UPF1: variants seen among roughly 807,000 people sequenced by gnomAD.
UPF1 encodes UPF1 RNA helicase and ATPase, also known as regulator of nonsense transcripts 1.
A neutral mutation model predicts 129.2 loss-of-function variants in UPF1; 9 were observed. That is an observed-to-expected ratio of 0.07 (90% CI 0.04 to 0.12). The LOEUF (loss-of-function observed/expected upper bound fraction) is 0.12. UPF1 is among the 10% of genes least tolerant of loss of function. The probability of loss-of-function intolerance (pLI) is 1.00; values close to 1 mark genes in which losing one functional copy is unlikely to be tolerated. For synonymous variants in UPF1, 649 were observed against 644.9 expected (o/e 1.01, Z -0.10); for missense variants, 788 against 1,525.3 (o/e 0.52, Z 8.05).
At position 18,832,202 on chromosome 19, in the gene UPF1, G is replaced by A; in HGVS notation, c.-8G>A. ...GGAACCGGCCCGAGGGCCCTACCCGGAGGCACCATGAGCGTGGAGGCGTAC... is the reference window on the plus strand; with the variant it reads ...GGAACCGGCCCGAGGGCCCTACCCGAAGGCACCATGAGCGTGGAGGCGTAC... On this transcript the variant is annotated 5_prime_UTR_variant, in exon 1 of 24. Transcript: ENST00000262803. The surrounding 1 kb of genome is among the most constrained non-coding windows in gnomAD (Gnocchi z 5.6). 1 of 1,535,968 alleles carries A rather than the reference G, an allele frequency of 6.5e-7. No individual in the cohort carries two copies. The highest frequency in any genetic ancestry group is 1.4e-5 in the African/African-American group (1 of 69,660).
rs760438143 is a variant in UPF1 at position 18,863,424 on chromosome 19, C to T, written c.2601-14C>T. 37 of 1,609,998 alleles carry T rather than the reference C, an allele frequency of 2.3e-5. No homozygotes were observed. Among genetic ancestry groups the T allele is most frequent in the Middle Eastern group, 1.7e-4 (1 of 6,060 alleles). ...CTCTCCACCTGCGTCCTCAGCACTG[C>T]GCCCTTGTTGCAGGTATGGCGTCAT... On this transcript the variant is annotated splice_polypyrimidine_tract_variant and intron_variant, in intron 18 of 23. Transcript: ENST00000262803.
At position 18,832,349 on chromosome 19, in the gene UPF1, C is replaced by CCCCCGGCGG. The variant is rs764238330; in HGVS notation, c.153_161dup (p.Pro54_Gly56dup). On this transcript the variant is annotated inframe_insertion, in exon 1 of 24. Coordinates refer to ENST00000262803, the MANE Select transcript of UPF1 (RefSeq NM_002911.4). The surrounding 1 kb of genome is among the most constrained non-coding windows in gnomAD (Gnocchi z 5.6). ...ACTCTTCCTAGCCAGACGCAGACGC[C>CCCCCGGCGG]CCCCGGCGGCCCCGGCGGCCCGGGC... 352 of 1,365,656 alleles carry CCCCCGGCGG rather than the reference C, an allele frequency of 2.6e-4. No homozygotes were observed. The highest frequency in any genetic ancestry group is 3.2e-4 in the Non-Finnish European group (330 of 1,037,128). The allele number at this position is 1,365,656 out of a possible 1,614,324, so 84.6% of individuals were successfully genotyped here. A position where few individuals can be genotyped will look rare whatever the true frequency, so the allele number is the denominator to read the frequency against.
chr19:18,862,401 G>C (rs1355953353), intron 18 of UPF1, among the ~76,000 whole-genome samples: 2 of 152,148 alleles, frequency 1.3e-5, no homozygotes, highest in Admixed American at 6.5e-5. Context: ...AATCTTGTGT[G>C]TGTCTGTCAA....
At position 18,850,340 on chromosome 19, in the gene UPF1, C is replaced by T; in HGVS notation, c.629+98C>T. 6.9e-7 allele frequency: 1 copy of T among 1,459,738 alleles called. No individual in the cohort carries two copies. Among genetic ancestry groups the T allele is most frequent in the South Asian group, 1.4e-5 (1 of 72,100 alleles). The allele number at this position is 1,459,738 out of a possible 1,614,324, so 90.4% of individuals were successfully genotyped here. A position where few individuals can be genotyped will look rare whatever the true frequency, so the allele number is the denominator to read the frequency against. On this transcript the variant is annotated intron_variant, in intron 4 of 23. Transcript: ENST00000262803. The surrounding 1 kb of genome is among the most constrained non-coding windows in gnomAD (Gnocchi z 7.1). ...CCCAGCCCAGCCGTGGCTCTAACTC[C>T]AGGGAGTTGTCCTCCAAAGATGGTT...
rs201189306 is a variant in UPF1, at chr19:18,852,326, G to C, written c.972+30G>C. Reference sequence around the variant, plus strand: ...TGTGTGCGAGAGGGCTTGGCCTGGGGTGGGCTCTGGCTCTCACAGCTCTCT... The same window carrying C: ...TGTGTGCGAGAGGGCTTGGCCTGGGCTGGGCTCTGGCTCTCACAGCTCTCT... On this transcript the variant is annotated intron_variant, in intron 6 of 23. Transcript: ENST00000262803. 27 of 1,609,224 alleles carry C rather than the reference G, an allele frequency of 1.7e-5. No homozygotes were observed. The African/African-American group carries it at 2.9e-4, about 18-fold the overall frequency.
intron 13 of UPF1, 38 bp from the exon 14 acceptor site, chr19:18,856,839 C>A (rs1001947553): frequency 6.3e-7 from 1 of 1,578,396 alleles, no homozygotes; most frequent in Non-Finnish European, 8.6e-7. Context: ...GTGGCGTTTA[C>A]AGTGCAGGTG....
Position 18,832,123 on chromosome 19 carries a change from G to A in UPF1, c.-87G>A. 1 of 1,258,818 alleles carries A rather than the reference G, an allele frequency of 7.9e-7. No individual in the cohort carries two copies. Among genetic ancestry groups the A allele is most frequent in the Non-Finnish European group, 1.0e-6 (1 of 968,612 alleles). The allele number at this position is 1,258,818 out of a possible 1,614,324, so 78.0% of individuals were successfully genotyped here. A position where few individuals can be genotyped will look rare whatever the true frequency, so the allele number is the denominator to read the frequency against. ...GGCGCGCGGGGGCGACAGCGGCAGC[G>A]ACCCGAGGCCTGCGGCCTAGGCCTC... is the stretch of plus-strand genomic sequence containing the variant. On this transcript the variant is annotated 5_prime_UTR_variant, in exon 1 of 24. Transcript: ENST00000262803. The surrounding 1 kb of genome is among the most constrained non-coding windows in gnomAD (Gnocchi z 5.6).
chr19:18,854,859 A>T lies in UPF1; in HGVS notation c.1266-20A>T. The stretch of plus-strand genomic sequence containing the variant: ...GCGGCCACAGCTGTGCGTGTCGCCA[A>T]CCCCAAACCCTCCTCACAGGATGCA... On this transcript the variant is annotated intron_variant, in intron 9 of 23. Transcript: ENST00000262803. 1 of 1,613,436 alleles carries T rather than the reference A, an allele frequency of 6.2e-7. No individual in the cohort carries two copies. The highest frequency in any genetic ancestry group is 8.5e-7 in the Non-Finnish European group (1 of 1,179,456).
chr19:18,859,809 C>A (rs1030721253), intron 15 of UPF1: 1 of 152,822 alleles, frequency 6.5e-6, no homozygotes, highest in African/African-American at 2.4e-5. Flanking sequence ...CATGGCAGGA[C>A]GCCCCGGCCC....
rs967705727 is a variant in UPF1, at chr19:18,851,139, G to A, written c.810+271G>A. The stretch of plus-strand genomic sequence containing the variant: ...TTCTTGTCTTGCCGGGGTGAGGATG[G>A]GTGGTGGGAGGGGAAGAATGGGGCT... On this transcript the variant is annotated intron_variant, in intron 5 of 23. Transcript: ENST00000262803. This position sits in a 1 kb window ranked among gnomAD's most constrained non-coding sequence, Gnocchi z 4.2. 1.8e-5 allele frequency: 6 copies of A among 339,668 alleles called. No individual in the cohort carries two copies. Among genetic ancestry groups the A allele is most frequent in the African/African-American group, 1.3e-4 (6 of 47,416 alleles). 21.0% of individuals were successfully genotyped at this position (339,668 alleles called of 1,614,324 possible).
rs1305212803 is a variant in UPF1, at chr19:18,852,209, G to A, written c.885G>A (p.Arg295=). 1.9e-6 allele frequency: 3 copies of A among 1,613,634 alleles called. No homozygotes were observed. Among genetic ancestry groups the A allele is most frequent in the Non-Finnish European group, 1.7e-6 (2 of 1,179,794 alleles). ...AGGAGCCGCAGCATGTCCTCCTGCG[G>A]TACGAGGACGCCTACCAGTACCAGA... The part of the protein sequence containing the change: ...VDEEPQHVLL[R]YEDAYQYQNI... Residue 295 remains arginine, a synonymous_variant, in exon 6 of 24, where the codon CGG becomes CGA. Coordinates refer to ENST00000262803, the MANE Select transcript of UPF1 (RefSeq NM_002911.4).
In UPF1 at chr19:18,832,939, C is replaced by T. The variant is rs915143907; in HGVS notation, c.231+499C>T. On this transcript the variant is annotated intron_variant, in intron 1 of 23. Transcript: ENST00000262803. This position sits in a 1 kb window ranked among gnomAD's most constrained non-coding sequence, Gnocchi z 5.6. The stretch of plus-strand genomic sequence containing the variant: ...CTCTTTCGCAGGTCTCGGTATTCTG[C>T]CTCGAGTTCTCCTACGACCTGGGCC... Among the ~76,000 whole-genome samples the T allele has an allele frequency of 1.3e-5, 2 of 152,114 alleles. No individual in the cohort carries two copies. The highest frequency in any genetic ancestry group is 2.1e-4 in the South Asian group (1 of 4,810).
At position 18,866,881 on chromosome 19, in the gene UPF1, A is replaced by G. The variant is rs2055852791; in HGVS notation, c.*364A>G. ...TTTTCTCTTTGATTGAAAGGGGACT[A>G]CGTCTTAGCAGGAAAAAAAACTTCG... On this transcript the variant is annotated 3_prime_UTR_variant, in exon 24 of 24. Transcript: ENST00000262803. The G allele has an allele frequency of 6.6e-6, 1 of 152,604 alleles. No individual in the cohort carries two copies. Among genetic ancestry groups the G allele is most frequent in the African/African-American group, 2.4e-5 (1 of 41,466 alleles). 9.5% of individuals were successfully genotyped at this position (152,604 alleles called of 1,614,324 possible). A position where few individuals can be genotyped will look rare whatever the true frequency, so the allele number is the denominator to read the frequency against.
Position 18,860,971 on chromosome 19 carries a change from A to G in UPF1, c.2446A>G (p.Lys816Glu). The G allele has an allele frequency of 6.3e-7, 1 of 1,582,230 alleles. No homozygotes were observed. ...YMQFSGSLHT[K>E]LYQEVEIASV... ...GCAGTTCAGCGGCTCCCTGCACACC[A>G]AGCTCTACCAGGTGCGCTGCGCCCT... Residue 816 changes from lysine to glutamate, a missense_variant, in exon 17 of 24, where the codon AAG becomes GAG. This residue lies in a region of UPF1 where 140 missense variants were observed against 385.9 expected (regional missense o/e 0.36). Transcript: ENST00000262803.
rs1437076929 is a variant in UPF1 at position 18,861,000 on chromosome 19, G to A, written c.2457+18G>A. ...TCTACCAGGTGCGCTGCGCCCTCGG[G>A]CACACTTGGTCTCCTGGGCCATGCA... On this transcript the variant is annotated intron_variant, in intron 17 of 23. Transcript: ENST00000262803. 6.4e-7 allele frequency: 1 copy of A among 1,559,040 alleles called. No homozygotes were observed. Among genetic ancestry groups the A allele is most frequent in the Non-Finnish European group, 8.7e-7 (1 of 1,153,840 alleles).
At chr19:18,864,742 T>G (rs1256522943) in intron 20 of UPF1, among the ~76,000 whole-genome samples, 1 of 140,020 alleles carries the variant, frequency 7.1e-6, no homozygotes, top group Non-Finnish European at 1.5e-5. Context: ...TGTTTTTTTT[T>G]TTTTTTTTTT....
chr19:18,849,979 G>C, intron 3 of UPF1, 96 bp from the exon 4 acceptor site: 1 of 1,506,338 alleles, frequency 6.6e-7, no homozygotes, highest in Non-Finnish European at 9.1e-7. Flanking sequence ...CTAATGGACC[G>C]TGAACGGTAC....
At chr19:18,866,390 G>A in intron 23 of UPF1, 131 bp from the exon 24 acceptor site, 2 of 567,266 alleles carry the variant, frequency 3.5e-6, no homozygotes, top group Non-Finnish European at 5.8e-6. Flanking sequence ...GGGGACCACC[G>A]CGGGACCTCA....
chr19:18,840,756 C>G (rs992517256), intron 1 of UPF1, among the ~76,000 whole-genome samples: 27 of 152,188 alleles, frequency 1.8e-4, no homozygotes, highest in Non-Finnish European at 1.2e-4. Context: ...TCTGCTTTCT[C>G]TGATACATGG....
Sources: allele counts gnomAD v4.1 joint callset (sites outside exome capture counted in the v4.1 genomes callset), GRCh38; gene constraint gnomAD v4.1.1; regional missense constraint gnomAD v4.1.1; non-coding constraint Gnocchi (gnomAD v3.1); transcripts MANE v1.5; gene names NCBI Gene and HGNC (gene_info 2026-07-23, HGNC 2026-07-21).